The following CD247 variants were observed in gnomAD, a reference collection of about 807,000 sequenced individuals.
The protein encoded by CD247 is T-cell surface glycoprotein CD3 zeta chain.
In CD247, 13 loss-of-function variants were observed where a neutral mutation model predicts 30.0. The observed-to-expected ratio is 0.43, with a 90% CI of 0.28 to 0.69. CD247 has a LOEUF of 0.69. Among genes scored for constraint, CD247 ranks in the 30% least tolerant of loss-of-function variants. The pLI, the probability that CD247 is intolerant of heterozygous loss-of-function variation, is 0.16. For missense variants in CD247, 193 were observed against 212.6 expected, an observed-to-expected ratio of 0.91 and a Z score of 0.57; for synonymous variants, 72 against 80.0, an observed-to-expected ratio of 0.90 and a Z score of 0.53.
intron 1 of CD247, among the ~76,000 whole-genome samples, chr1:167,514,970 G>C (rs1009313957): frequency 6.6e-6 from 1 of 152,072 alleles, no homozygotes; most frequent in African/African-American, 2.4e-5. Flanking sequence ...AAAATACAAA[G>C]AATTTAAAAT....
At chr1:167,432,499 T>C (rs1651318424) in intron 7 of CD247, among the ~76,000 whole-genome samples, 3 of 152,162 alleles carry the variant, frequency 2.0e-5, no homozygotes. Flanking sequence ...GGATCATGTT[T>C]TAGAGAAGTA....
At chr1:167,502,256 G>T (rs1654945688) in intron 1 of CD247, among the ~76,000 whole-genome samples, 1 of 152,226 alleles carries the variant, frequency 6.6e-6, no homozygotes, top group African/African-American at 2.4e-5. Flanking sequence ...CCACGGTGTG[G>T]TGCACGGCCA....
intron 1 of CD247, among the ~76,000 whole-genome samples, chr1:167,481,072 A>G (rs1448362747): frequency 6.6e-6 from 1 of 152,158 alleles, no homozygotes; most frequent in Non-Finnish European, 1.5e-5. Flanking sequence ...AGATTGCTGG[A>G]GCCTAGGAAT....
intron 1 of CD247, among the ~76,000 whole-genome samples, chr1:167,487,862 C>A (rs1654280082): frequency 6.6e-6 from 1 of 152,198 alleles, no homozygotes; most frequent in Non-Finnish European, 1.5e-5. Context: ...TCCTGAGTAG[C>A]TGGGATTACA....
At chr1:167,464,896 T>C (rs979157158) in intron 1 of CD247, among the ~76,000 whole-genome samples, 16 of 152,106 alleles carry the variant, frequency 1.1e-4, no homozygotes, top group African/African-American at 3.4e-4. Context: ...CAGTGTGTGC[T>C]CTGTAAAAAA....
intron 1 of CD247, among the ~76,000 whole-genome samples, chr1:167,455,507 C>A (rs1165825726): frequency 1.3e-5 from 2 of 152,194 alleles, no homozygotes; most frequent in Non-Finnish European, 2.9e-5. Context: ...CTCCCAGCCC[C>A]GTGTTGCCGC....
At chr1:167,512,212 C>A (rs890167653) in intron 1 of CD247, among the ~76,000 whole-genome samples, 3 of 152,110 alleles carry the variant, frequency 2.0e-5, no homozygotes, top group Non-Finnish European at 4.4e-5. Context: ...TGCACGGCCC[C>A]CAATAAATCT....
At chr1:167,436,571 A>G (rs1326669624) in intron 4 of CD247, among the ~76,000 whole-genome samples, 1 of 152,222 alleles carries the variant, frequency 6.6e-6, no homozygotes, top group Non-Finnish European at 1.5e-5. Context: ...AAATAATGAA[A>G]TTGGACCTTA....
rs189987489 is a variant in CD247 at position 167,448,863 on chromosome 1, A to G, written c.59-8096T>C. On this transcript the variant is annotated intron_variant, in intron 1 of 7. Transcript: ENST00000362089. ...GCCATAGAGTGAGACTCTGTCTAAA[A>G]AAATAAATAAACAAAAATTTTTTTA... 2.6e-5 allele frequency among the ~76,000 whole-genome samples: 4 copies of G among 152,324 alleles called. No homozygotes were observed. The East Asian group carries it at 7.7e-4, about 29-fold the overall frequency.
chr1:167,448,199 TCA>T (rs1392478157), intron 1 of CD247: 1 of 215,736 alleles, frequency 4.6e-6, no homozygotes, highest in Non-Finnish European at 7.9e-6. Context: ...GTTTTCTCAT[TCA>T]GTCTTCACAG....
chr1:167,509,597 G>T (rs1178275754), intron 1 of CD247, among the ~76,000 whole-genome samples: 1 of 152,100 alleles, frequency 6.6e-6, no homozygotes, highest in Non-Finnish European at 1.5e-5. Flanking sequence ...GACATTTTCC[G>T]CTGACAGATA....
At chr1:167,517,780 G>A (rs1321681403) in intron 1 of CD247, among the ~76,000 whole-genome samples, 1 of 152,202 alleles carries the variant, frequency 6.6e-6, no homozygotes, top group African/African-American at 2.4e-5. Flanking sequence ...GCCATGACAA[G>A]GCTGAGCCTA....
At chr1:167,507,264 G>GGA (rs1655183930) in intron 1 of CD247, among the ~76,000 whole-genome samples, 1 of 151,520 alleles carries the variant, frequency 6.6e-6, no homozygotes, top group Non-Finnish European at 1.5e-5. Flanking sequence ...AATGGTGATT[G>GGA]GAGAGAGAGA....
chr1:167,438,743 G>A, intron 3 of CD247, 93 bp from the exon 4 acceptor site: 2 of 1,001,844 alleles, frequency 2.0e-6, no homozygotes, highest in Non-Finnish European at 3.2e-6. Flanking sequence ...CCTCTCTGGG[G>A]TGGCTCATAA....
At chr1:167,468,100 C>T (rs1653342708) in intron 1 of CD247, among the ~76,000 whole-genome samples, 1 of 152,006 alleles carries the variant, frequency 6.6e-6, no homozygotes, top group South Asian at 2.1e-4. Context: ...TGCACATACA[C>T]ATACATTTTA....
chr1:167,462,347 G>C (rs1653059141), intron 1 of CD247, among the ~76,000 whole-genome samples: 1 of 152,248 alleles, frequency 6.6e-6, no homozygotes, highest in Admixed American at 6.5e-5. Flanking sequence ...GGGCCACACA[G>C]TGAGTCCAGC....
intron 1 of CD247, among the ~76,000 whole-genome samples, chr1:167,496,899 G>A (rs533057073): frequency 2.0e-5 from 3 of 152,284 alleles, no homozygotes; most frequent in South Asian, 4.2e-4. Context: ...GAATCTTTAC[G>A]GGGAGGCGGG....
intron 1 of CD247, among the ~76,000 whole-genome samples, chr1:167,501,437 A>C (rs1025897334): frequency 1.3e-5 from 2 of 152,198 alleles, no homozygotes; most frequent in Non-Finnish European, 1.5e-5. Flanking sequence ...ATCCCTGTAC[A>C]TCTGTCTGGC....
At chr1:167,474,661 T>C (rs1168600516) in intron 1 of CD247, among the ~76,000 whole-genome samples, 1 of 151,562 alleles carries the variant, frequency 6.6e-6, no homozygotes, top group Non-Finnish European at 1.5e-5. Context: ...GTTCAAAAAG[T>C]ATTTGGGAGC....
Sources: allele counts gnomAD v4.1 joint callset (sites outside exome capture counted in the v4.1 genomes callset), GRCh38; gene constraint gnomAD v4.1.1; transcripts MANE v1.5; gene names NCBI Gene and HGNC (gene_info 2026-07-23, HGNC 2026-07-21).